The following CCDC149 variants were observed in gnomAD, a reference collection of about 807,000 sequenced individuals.
CCDC149 encodes the protein coiled-coil domain containing 149.
CCDC149 carries 45 observed loss-of-function variants against 59.9 expected under a neutral mutation model. The ratio of observed to expected loss-of-function variants is 0.75; its 90% CI spans 0.59 to 0.96. CCDC149 has a LOEUF of 0.96. CCDC149 is among the 40% of genes least tolerant of loss of function. The pLI is 0.00. For missense variants in CCDC149, 584 were observed against 664.7 expected (o/e 0.88, Z 1.33); for synonymous variants, 245 against 260.6 (o/e 0.94, Z 0.58).
intron 4 of CCDC149, among the ~76,000 whole-genome samples, chr4:24,841,368 A>G (rs1716925587): frequency 1.3e-5 from 2 of 152,250 alleles, no homozygotes; most frequent in Admixed American, 1.3e-4. Flanking sequence ...ATTATTAAAC[A>G]TGTTTATTGA....
intron 2 of CCDC149, among the ~76,000 whole-genome samples, chr4:24,874,572 ACT>A (rs746799103): frequency 4.6e-5 from 7 of 151,800 alleles, no homozygotes; most frequent in Non-Finnish European, 7.4e-5. Context: ...ACAGAGTGAG[ACT>A]CTGTCTCACA....
intron 4 of CCDC149, among the ~76,000 whole-genome samples, chr4:24,843,202 C>A (rs2109156946): frequency 6.6e-6 from 1 of 152,294 alleles, no homozygotes; most frequent in Non-Finnish European, 1.5e-5. Flanking sequence ...GGTATAGTTA[C>A]AATTCTTACA....
chr4:24,874,244 G>GTTTTTTTTTTTTGTTTTTTTTTTTT (rs1719242173), intron 2 of CCDC149, among the ~76,000 whole-genome samples: 1 of 87,488 alleles, frequency 1.1e-5, no homozygotes, highest in African/African-American at 5.8e-5. Context: ...TATTAGATTT[G>GTTTTTTTTTTTTGTTTTTTTTTTTT]TTTTTTTTTT....
Position 24,834,934 on chromosome 4 carries a change from G to T in CCDC149, c.820+14C>A, listed in dbSNP as rs753097802. 3.8e-6 allele frequency: 6 copies of T among 1,599,902 alleles called. No individual in the cohort carries two copies. The South Asian group carries it at 5.5e-5, about 15-fold the overall frequency. On this transcript the variant is annotated intron_variant, in intron 8 of 12. Transcript: ENST00000635206. Reference sequence around the variant, plus strand: ...ACGCTCATGAGCGGTCTCTCCTGGAGCATGATATCCTACCTTGCTTTGCAG... The same window carrying T: ...ACGCTCATGAGCGGTCTCTCCTGGATCATGATATCCTACCTTGCTTTGCAG...
rs554940726 is a variant in CCDC149, at chr4:24,808,263, G to A, written c.*126C>T. ...ATTCACAGTTTGCAACAGGATCAGT[G>A]CGTTTTCTCACTTGCAGACTCGGAG... On this transcript the variant is annotated 3_prime_UTR_variant, in exon 13 of 13. Transcript: ENST00000635206. 1,539 of 794,288 alleles carry A rather than the reference G, an allele frequency of 1.9e-3. 9 individuals are homozygous for A. The highest frequency in any genetic ancestry group is 2.6e-3 in the Non-Finnish European group (1,383 of 538,594). The allele number at this position is 794,288 out of a possible 1,614,324, so 49.2% of individuals were successfully genotyped here.
At chr4:24,974,436 C>T (rs10212716) in intron 1 of CCDC149, among the ~76,000 whole-genome samples, 108,380 of 152,052 alleles carry the variant, frequency 0.71, 38,845 homozygotes, top group African/African-American at 0.76. Flanking sequence ...GAGTAACCAC[C>T]TTGCAGCCAA....
intron 1 of CCDC149, among the ~76,000 whole-genome samples, chr4:24,948,742 C>G (rs1047168414): frequency 2.6e-5 from 4 of 152,120 alleles, no homozygotes; most frequent in Non-Finnish European, 5.9e-5. Flanking sequence ...GTGTCCCCAC[C>G]CAAATCTTGA....
At chr4:24,865,222 AC>A (rs1003491905) in intron 3 of CCDC149, among the ~76,000 whole-genome samples, 5 of 152,166 alleles carry the variant, frequency 3.3e-5, no homozygotes, top group Admixed American at 2.6e-4. Flanking sequence ...AGAAAAAGAG[AC>A]CAGATTTTTA....
Position 24,876,086 on chromosome 4 carries a change from C to T in CCDC149, c.225+450G>A, listed in dbSNP as rs570186066. On this transcript the variant is annotated intron_variant, in intron 2 of 12. Transcript: ENST00000635206. ...TCATCCAGGGTATCCACGATGCCTA[C>T]GTGGTGCACTCGCTAGTCACTTAGG... Among the ~76,000 whole-genome samples the T allele has an allele frequency of 3.3e-5, 5 of 152,184 alleles. No individual in the cohort carries two copies. The South Asian group carries it at 6.2e-4, about 19-fold the overall frequency.
intron 12 of CCDC149, among the ~76,000 whole-genome samples, chr4:24,813,687 A>T (rs774091663): frequency 6.6e-6 from 1 of 152,010 alleles, no homozygotes; most frequent in Non-Finnish European, 1.5e-5. Context: ...TATGCATGGT[A>T]TGTGGTGTTG....
At chr4:24,831,236 G>T in intron 9 of CCDC149, 1 of 278,296 alleles carries the variant, frequency 3.6e-6, no homozygotes, top group Non-Finnish European at 6.7e-6. Flanking sequence ...TTATTTTATG[G>T]AACTCATCCA....
At chr4:24,813,489 A>AATATATCTATATCTATATATCTAT (rs1186488610) in intron 12 of CCDC149, among the ~76,000 whole-genome samples, 3 of 113,732 alleles carry the variant, frequency 2.6e-5, no homozygotes, top group African/African-American at 1.2e-4. Flanking sequence ...CAGCTTGGGG[A>AATATATCTATATCTATATATCTAT]ATATATATAT....
chr4:24,874,244 G>GTTTTGTT (rs1719241995), intron 2 of CCDC149, among the ~76,000 whole-genome samples: 1 of 87,488 alleles, frequency 1.1e-5, no homozygotes, highest in African/African-American at 5.8e-5. Flanking sequence ...TATTAGATTT[G>GTTTTGTT]TTTTTTTTTT....
chr4:24,905,059 G>C (rs1008228141), intron 1 of CCDC149, among the ~76,000 whole-genome samples: 1 of 151,880 alleles, frequency 6.6e-6, no homozygotes, highest in Admixed American at 6.6e-5. Flanking sequence ...ACACCACCAT[G>C]CCTGCCTAAT....
intron 1 of CCDC149, among the ~76,000 whole-genome samples, chr4:24,883,555 C>A (rs1287062823): frequency 1.3e-5 from 2 of 152,012 alleles, no homozygotes; most frequent in Non-Finnish European, 1.5e-5. Flanking sequence ...TGAATAGAGA[C>A]CATTATGTCT....
At chr4:24,923,805 A>G (rs1050347816) in intron 1 of CCDC149, among the ~76,000 whole-genome samples, 3 of 152,232 alleles carry the variant, frequency 2.0e-5, no homozygotes, top group Non-Finnish European at 2.9e-5. Context: ...AGCTTCAGTA[A>G]CAAAGACACC....
Position 24,839,053 on chromosome 4 carries a change from CACACACACAGAG to C in CCDC149, c.373-793_373-782del, listed in dbSNP as rs1716750079. 2.8e-5 allele frequency among the ~76,000 whole-genome samples: 4 copies of C among 143,534 alleles called. No homozygotes were observed. The South Asian group carries it at 9.7e-4, about 35-fold the overall frequency. 94.2% of individuals were successfully genotyped at this position (143,534 alleles called of 152,430 possible). ...TCACACACACACACACACACACACA[CACACACACAGAG>C]AGAGAGAGAGAAAGAGAGAGAGAGA... is the stretch of plus-strand genomic sequence containing the variant. On this transcript the variant is annotated intron_variant, in intron 4 of 12. Transcript: ENST00000635206.
intron 1 of CCDC149, among the ~76,000 whole-genome samples, chr4:24,938,536 G>T (rs1722848685): frequency 6.6e-6 from 1 of 152,158 alleles, no homozygotes; most frequent in African/African-American, 2.4e-5. Flanking sequence ...TCACTGGGGA[G>T]CGCAGTGGGT....
At chr4:24,891,694 T>A (rs1429975204) in intron 1 of CCDC149, among the ~76,000 whole-genome samples, 2 of 152,208 alleles carry the variant, frequency 1.3e-5, no homozygotes, top group Non-Finnish European at 2.9e-5. Context: ...GGTTTGGGCA[T>A]CTCGCTTTCA....
Sources: allele counts gnomAD v4.1 joint callset (sites outside exome capture counted in the v4.1 genomes callset), GRCh38; gene constraint gnomAD v4.1.1; transcripts MANE v1.5; gene names NCBI Gene and HGNC (gene_info 2026-07-23, HGNC 2026-07-21).